The following ZDHHC11 variants were observed in gnomAD, a reference collection of about 807,000 sequenced individuals.
ZDHHC11 encodes palmitoyltransferase ZDHHC11.
Under a neutral mutation model 51.3 loss-of-function variants are expected in ZDHHC11, and 44 were observed. The observed-to-expected ratio is 0.86, with a 90% CI of 0.67 to 1.10. The LOEUF is 1.10. Ranked by LOEUF, ZDHHC11 falls within the 50% of genes least tolerant of loss-of-function variation. The pLI is 0.00. For missense variants in ZDHHC11, 400 were observed against 537.7 expected (o/e 0.74, Z 2.53); for synonymous variants, 163 against 222.0 (o/e 0.73, Z 2.36).
chr5:819,307 A>C (rs1561249490), intron 10 of ZDHHC11, among the ~76,000 whole-genome samples: 1 of 151,408 alleles, frequency 6.6e-6, no homozygotes, highest in Non-Finnish European at 1.5e-5. Context: ...CCACTTTGGT[A>C]CCCGTCTGTC....
chr5:818,392 G>C lies in ZDHHC11; in HGVS notation c.1146+1133C>G, dbSNP rs539411974. ...GAAGTGCAGGGAAGGGGCAAGGCTT[G>C]GACGCCAGCGTCGCTGTTCCTCCAG... On this transcript the variant is annotated intron_variant, in intron 10 of 12. Transcript: ENST00000283441. 1.8e-3 allele frequency among the ~76,000 whole-genome samples: 277 copies of C among 151,844 alleles called. 11 individuals carry two copies. Among genetic ancestry groups the C allele is most frequent in the Non-Finnish European group, 9.9e-4 (67 of 67,780 alleles).
intron 7 of ZDHHC11, among the ~76,000 whole-genome samples, chr5:828,548 T>C (rs1368506842): frequency 1.3e-5 from 2 of 151,308 alleles, no homozygotes; most frequent in Non-Finnish European, 3.0e-5. Context: ...AAAACACAAT[T>C]ATAGTGACGG....
chr5:853,265 G>A (rs1276854202), upstream of ZDHHC11, among the ~76,000 whole-genome samples: 1 of 145,930 alleles, frequency 6.9e-6, no homozygotes, highest in Non-Finnish European at 1.5e-5. Flanking sequence ...AGCGGGCACA[G>A]ACCCCACAGA....
intron 11 of ZDHHC11, among the ~76,000 whole-genome samples, chr5:801,979 C>G (rs551544305): frequency 6.6e-6 from 1 of 151,372 alleles, no homozygotes; most frequent in Non-Finnish European, 1.5e-5. Context: ...AGAGGGAAAC[C>G]TTTCTTGGAT....
intron 6 of ZDHHC11, among the ~76,000 whole-genome samples, chr5:834,112 G>A (rs1743442905): frequency 6.6e-6 from 1 of 152,422 alleles, no homozygotes; most frequent in South Asian, 2.1e-4. Flanking sequence ...AAAAAACGCA[G>A]GAGACTTGCA....
At chr5:838,711 T>A (rs1174788428) in intron 5 of ZDHHC11, among the ~76,000 whole-genome samples, 1 of 152,200 alleles carries the variant, frequency 6.6e-6, no homozygotes, top group Non-Finnish European at 1.5e-5. Context: ...AAGAAGCCCA[T>A]TCCAAGTGCA....
Position 802,793 on chromosome 5 carries a change from G to A in ZDHHC11, c.1182-1629C>T, listed in dbSNP as rs1035128331. Among the ~76,000 whole-genome samples the A allele has an allele frequency of 4.6e-5, 5 of 109,536 alleles. No individual in the cohort carries two copies. In the Admixed American group the frequency reaches 6.5e-4, roughly 14 times the overall value. The allele number at this position is 109,536 out of a possible 152,430, so 71.9% of individuals were successfully genotyped here. A position where few individuals can be genotyped will look rare whatever the true frequency, so the allele number is the denominator to read the frequency against. ...TCGAGACCATCCTGGCTAACATGGTGAAACTCTGTCTCTACTAAAAATACA... is the reference window on the plus strand; with the variant it reads ...TCGAGACCATCCTGGCTAACATGGTAAAACTCTGTCTCTACTAAAAATACA... On this transcript the variant is annotated intron_variant, in intron 11 of 12. Coordinates refer to ENST00000283441, the MANE Select transcript of ZDHHC11 (RefSeq NM_024786.3).
chr5:835,814 G>T (rs1399043355), intron 6 of ZDHHC11, among the ~76,000 whole-genome samples: 1 of 151,752 alleles, frequency 6.6e-6, no homozygotes, highest in African/African-American at 2.4e-5. Context: ...TTTGCATAAG[G>T]TTTGTCAAAT....
At chr5:853,138 C>G (rs558105296), upstream of ZDHHC11, among the ~76,000 whole-genome samples, 21 of 150,398 alleles carry the variant, frequency 1.4e-4, no homozygotes, top group Non-Finnish European at 2.5e-4. Flanking sequence ...GGGGACAGAC[C>G]CCACGGAGGA....
At chr5:813,646 C>A (rs1740379216) in intron 11 of ZDHHC11, among the ~76,000 whole-genome samples, 1 of 150,210 alleles carries the variant, frequency 6.7e-6, no homozygotes, top group South Asian at 2.1e-4. Context: ...GCATGACCTA[C>A]TGGAATGGTG....
chr5:852,025 C>T (rs529240808), upstream of ZDHHC11, among the ~76,000 whole-genome samples: 1 of 150,134 alleles, frequency 6.7e-6, no homozygotes. Flanking sequence ...CACTGCATTC[C>T]AGCCTGGGCA....
chr5:842,604 A>G (rs551250937), intron 4 of ZDHHC11: 329 of 986,004 alleles, frequency 3.3e-4, no homozygotes, highest in Admixed American at 1.1e-3. Context: ...TGGGGCTGAG[A>G]CTGGCAGTCT....
intron 12 of ZDHHC11, among the ~76,000 whole-genome samples, chr5:799,740 C>G (rs545476111): frequency 3.2e-4 from 48 of 151,826 alleles, no homozygotes; most frequent in Admixed American, 2.4e-3. Flanking sequence ...GTTGTAGCTT[C>G]TTAAGTTTGT....
chr5:843,906 GC>G (rs1745582251), intron 3 of ZDHHC11, among the ~76,000 whole-genome samples, 182 bp from the exon 4 acceptor site: 1 of 115,536 alleles, frequency 8.7e-6, no homozygotes, highest in African/African-American at 4.3e-5. Flanking sequence ...GGAGGCAGGG[GC>G]AGGGACACGC....
intron 11 of ZDHHC11, among the ~76,000 whole-genome samples, chr5:808,928 G>C (rs1330000375): frequency 1.3e-5 from 2 of 149,016 alleles, no homozygotes; most frequent in East Asian, 2.0e-4. Flanking sequence ...TTGATCTCCT[G>C]TCCTCTTTAT....
chr5:839,840 C>T lies in ZDHHC11; in HGVS notation c.784+655G>A, dbSNP rs543215477. On this transcript the variant is annotated intron_variant, in intron 5 of 12. Transcript: ENST00000283441. ...TCCACAGAAACCCCCTGAGAGGCCACAGCCTCGGGGCCACCACTGCCCAGA... is the reference window on the plus strand; with the variant it reads ...TCCACAGAAACCCCCTGAGAGGCCATAGCCTCGGGGCCACCACTGCCCAGA... The T allele has an allele frequency of 1.6e-3, 388 of 249,450 alleles. 2 individuals are homozygous for T. Among genetic ancestry groups the T allele is most frequent in the African/African-American group, 8.4e-3 (363 of 43,464 alleles). 15.5% of individuals were successfully genotyped at this position (249,450 alleles called of 1,614,324 possible). A position where few individuals can be genotyped will look rare whatever the true frequency, so the allele number is the denominator to read the frequency against.
intron 7 of ZDHHC11, among the ~76,000 whole-genome samples, chr5:829,964 A>C (rs537901949): frequency 6.6e-6 from 1 of 151,028 alleles, no homozygotes; most frequent in East Asian, 1.9e-4. Context: ...CACTCATCAA[A>C]ATCAGCACAG....
chr5:819,678 A>G, intron 9 of ZDHHC11, 66 bp from the exon 10 acceptor site: 2 of 1,524,206 alleles, frequency 1.3e-6, no homozygotes, highest in Non-Finnish European at 1.8e-6. Flanking sequence ...ATGGCACTGG[A>G]GGCTACAGTG....
At chr5:821,938 G>T in intron 8 of ZDHHC11, 43 bp from the exon 9 acceptor site, 5 of 1,552,296 alleles carry the variant, frequency 3.2e-6, no homozygotes, top group Non-Finnish European at 3.5e-6. Flanking sequence ...AATTGACATT[G>T]AACTTATTCT....
Sources: gnomAD v4.1 joint callset for allele counts (sites outside exome capture counted in the v4.1 genomes callset) on GRCh38, gnomAD v4.1.1 for gene constraint, MANE v1.5 for transcripts, NCBI Gene and HGNC (gene_info 2026-07-23, HGNC 2026-07-21) for gene names.